The following TMEM65 variants were observed in gnomAD, a reference collection of about 807,000 sequenced individuals.
TMEM65 encodes transmembrane protein 65.
TMEM65 carries 22 observed loss-of-function variants against 25.4 expected under a neutral mutation model. That is an observed-to-expected ratio of 0.86 (90% CI 0.62 to 1.23). The LOEUF (loss-of-function observed/expected upper bound fraction) is 1.23, where lower values mean the gene tolerates loss of function less well. TMEM65 is among the 50% of genes most tolerant of loss of function. TMEM65 has a pLI of 0.00. For synonymous variants in TMEM65, 132 were observed against 126.2 expected (o/e 1.05, Z -0.31); for missense variants, 262 against 308.2 (o/e 0.85, Z 1.12).
At chr8:124,365,810 C>A (rs1814931018) in intron 1 of TMEM65, among the ~76,000 whole-genome samples, 1 of 152,150 alleles carries the variant, frequency 6.6e-6, no homozygotes, top group Non-Finnish European at 1.5e-5. Flanking sequence ...AAGGACAGAG[C>A]CTTGCTGACA....
At chr8:124,361,651 G>A (rs1012954756) in intron 1 of TMEM65, among the ~76,000 whole-genome samples, 16 of 151,432 alleles carry the variant, frequency 1.1e-4, no homozygotes, top group African/African-American at 3.6e-4. Context: ...TGGCCAACAA[G>A]GTGAAAACCC....
chr8:124,319,834 C>T (rs959305424), intron 6 of TMEM65, among the ~76,000 whole-genome samples: 32 of 151,954 alleles, frequency 2.1e-4, no homozygotes, highest in African/African-American at 7.7e-4. Flanking sequence ...TTCTTTAGAC[C>T]CCAACCTATA....
Position 124,320,077 on chromosome 8 carries a change from A to T in TMEM65, c.621+9T>A. ...CAACTCATTATCATAAACCATGTAA[A>T]TTACTTACCAAATGTGTACTAAGAC... is the stretch of plus-strand genomic sequence containing the variant. On this transcript the variant is annotated intron_variant, in intron 6 of 6. Coordinates refer to ENST00000297632, the MANE Select transcript of TMEM65 (RefSeq NM_194291.3). The T allele has an allele frequency of 6.2e-7, 1 of 1,608,102 alleles. No homozygotes were observed. The highest frequency in any genetic ancestry group is 8.5e-7 in the Non-Finnish European group (1 of 1,175,156).
At chr8:124,348,038 T>C (rs1462092740) in intron 1 of TMEM65, among the ~76,000 whole-genome samples, 1 of 128,712 alleles carries the variant, frequency 7.8e-6, no homozygotes. Context: ...TTACAGGCAG[T>C]AGCCAGGGTT....
chr8:124,372,183 G>A lies in TMEM65; in HGVS notation c.-26C>T. 8.3e-7 allele frequency: 1 copy of A among 1,204,946 alleles called. No homozygotes were observed. The highest frequency in any genetic ancestry group is 1.7e-5 in the African/African-American group (1 of 59,704). The allele number at this position is 1,204,946 out of a possible 1,614,324, so 74.6% of individuals were successfully genotyped here. ...GGCGAGCTGAGGAGCTGGGACCCCC[G>A]CGGCCGTCCGGCAAGGCGGTTTCTG... On this transcript the variant is annotated 5_prime_UTR_variant, in exon 1 of 7. Coordinates refer to ENST00000297632, the MANE Select transcript of TMEM65 (RefSeq NM_194291.3).
intron 1 of TMEM65, among the ~76,000 whole-genome samples, chr8:124,344,592 C>T (rs1336873257): frequency 6.6e-6 from 1 of 152,176 alleles, no homozygotes; most frequent in Non-Finnish European, 1.5e-5. Context: ...ATAAATATAT[C>T]TGGTATGATA....
At chr8:124,322,060 G>A (rs982091302) in intron 5 of TMEM65, 45 bp downstream of exon 5, 7 of 1,375,736 alleles carry the variant, frequency 5.1e-6, no homozygotes, top group Non-Finnish European at 7.0e-6. Context: ...GGAACAGAAA[G>A]ACAGCAAGTA....
rs1236131625 is a variant in TMEM65, at chr8:124,372,163, G to GC, written c.-7dup. 100 of 1,285,402 alleles carry GC rather than the reference G, an allele frequency of 7.8e-5. No homozygotes were observed. Among genetic ancestry groups the GC allele is most frequent in the Non-Finnish European group, 9.3e-5 (94 of 1,012,602 alleles). The allele number at this position is 1,285,402 out of a possible 1,614,324, so 79.6% of individuals were successfully genotyped here. On this transcript the variant is annotated 5_prime_UTR_variant, in exon 1 of 7. Transcript: ENST00000297632. The stretch of plus-strand genomic sequence containing the variant: ...AGCGGCAGCAGCCGGGACATGGCGA[G>GC]CTGAGGAGCTGGGACCCCCGCGGCC...
At chr8:124,321,708 G>C (rs892835884) in intron 5 of TMEM65, among the ~76,000 whole-genome samples, 1 of 151,950 alleles carries the variant, frequency 6.6e-6, no homozygotes, top group Non-Finnish European at 1.5e-5. Context: ...TAATGAGAGA[G>C]GTTCTTCCTT....
intron 6 of TMEM65, among the ~76,000 whole-genome samples, chr8:124,318,363 GTTTTTGTTTTTTTT>G (rs1395152709): frequency 1.4e-5 from 1 of 73,840 alleles, no homozygotes; most frequent in Non-Finnish European, 2.3e-5. Flanking sequence ...GAATTTGCAT[GTTTTTGTTTTTTTT>G]TTTTTTTTTT....
At position 124,358,026 on chromosome 8, in the gene TMEM65, C is replaced by T. The variant is rs190751913; in HGVS notation, c.304+13828G>A. Among the ~76,000 whole-genome samples the T allele has an allele frequency of 3.2e-3, 480 of 151,914 alleles. 3 individuals are homozygous for T. The highest frequency in any genetic ancestry group is 0.011 in the African/African-American group (456 of 41,424). On this transcript the variant is annotated intron_variant, in intron 1 of 6. Transcript: ENST00000297632. ...TGTATTTTCAGTAGAGACACGGTTT[C>T]GCCATGTTAGCCAGGCTGGTCTCAA... is the stretch of plus-strand genomic sequence containing the variant.
chr8:124,352,099 G>C (rs1266384655), intron 1 of TMEM65, among the ~76,000 whole-genome samples: 1 of 152,126 alleles, frequency 6.6e-6, no homozygotes, highest in Non-Finnish European at 1.5e-5. Flanking sequence ...CAATGTGATT[G>C]GTCATGATTA....
At position 124,324,989 on chromosome 8, in the gene TMEM65, A is replaced by G. The variant is rs187163520; in HGVS notation, c.418-1614T>C. Among the ~76,000 whole-genome samples the G allele has an allele frequency of 1.1e-3, 161 of 152,164 alleles. 2 individuals are homozygous for G. The South Asian group carries it at 0.013, about 12-fold the overall frequency. On this transcript the variant is annotated intron_variant, in intron 3 of 6. Transcript: ENST00000297632. ...AGTAACCCAAAACTAACCCTAAAAT[A>G]TAAGTTATAAAAAGCAATCCAATAA...
chr8:124,372,159 G>C lies in TMEM65; in HGVS notation c.-2C>G. ...CAGCAGCGGCAGCAGCCGGGACATG[G>C]CGAGCTGAGGAGCTGGGACCCCCGC... On this transcript the variant is annotated 5_prime_UTR_variant, in exon 1 of 7. Coordinates refer to ENST00000297632, the MANE Select transcript of TMEM65 (RefSeq NM_194291.3). The C allele has an allele frequency of 7.8e-7, 1 of 1,284,510 alleles. No individual in the cohort carries two copies. Among genetic ancestry groups the C allele is most frequent in the South Asian group, 1.7e-5 (1 of 60,232 alleles). 79.6% of individuals were successfully genotyped at this position (1,284,510 alleles called of 1,614,324 possible). A position where few individuals can be genotyped will look rare whatever the true frequency, so the allele number is the denominator to read the frequency against.
intron 4 of TMEM65, among the ~76,000 whole-genome samples, chr8:124,322,376 G>A (rs1404366003): frequency 6.6e-6 from 1 of 152,010 alleles, no homozygotes; most frequent in African/African-American, 2.4e-5. Context: ...TGTTATGGCA[G>A]CCAATTTCCA....
intron 1 of TMEM65, among the ~76,000 whole-genome samples, chr8:124,362,047 C>T (rs1239812101): frequency 1.3e-5 from 2 of 151,500 alleles, no homozygotes; most frequent in African/African-American, 4.8e-5. Context: ...CCCGTCACCA[C>T]GCTCAGCTAA....
intron 1 of TMEM65, among the ~76,000 whole-genome samples, chr8:124,348,249 T>C (rs1158989590): frequency 6.8e-6 from 1 of 147,994 alleles, no homozygotes; most frequent in Non-Finnish European, 1.5e-5. Flanking sequence ...GCCTGGCCAA[T>C]AATTTATTTT....
intron 1 of TMEM65, among the ~76,000 whole-genome samples, chr8:124,364,365 G>A (rs1814911550): frequency 6.6e-6 from 1 of 152,190 alleles, no homozygotes; most frequent in Non-Finnish European, 1.5e-5. Flanking sequence ...AGAGCACTGA[G>A]GAGGAGGGAG....
intron 1 of TMEM65, among the ~76,000 whole-genome samples, chr8:124,367,536 G>GA (rs963221838): frequency 4.0e-5 from 6 of 151,766 alleles, no homozygotes; most frequent in East Asian, 1.9e-4. Context: ...GCAATGGGCT[G>GA]AAAAAAAATA....
Sources: allele counts gnomAD v4.1 joint callset (sites outside exome capture counted in the v4.1 genomes callset), GRCh38; gene constraint gnomAD v4.1.1; transcripts MANE v1.5; gene names NCBI Gene and HGNC (gene_info 2026-07-23, HGNC 2026-07-21).